ALG12: variants seen among roughly 807,000 people sequenced by gnomAD.
The protein encoded by ALG12 is ALG12 alpha-1,6-mannosyltransferase.
Under a neutral mutation model 46.0 loss-of-function variants are expected in ALG12, and 36 were observed. The ratio of observed to expected loss-of-function variants is 0.78; its 90% CI spans 0.60 to 1.03. The LOEUF is 1.03. ALG12 is among the 50% of genes least tolerant of loss of function. The pLI is 0.00. For missense variants in ALG12, 599 were observed against 633.5 expected (o/e 0.95, Z 0.58); for synonymous variants, 326 against 291.6 (o/e 1.12, Z -1.20).
the ALG12 span, chr22:49,883,351 C>T: frequency 1.3e-5 from 3 of 232,688 alleles, no homozygotes; most frequent in African/African-American, 2.2e-5. Flanking sequence ...ACAAGGGTCA[C>T]GTGTATGCTC....
Position 49,906,860 on chromosome 22 carries a change from C to G in ALG12, c.992+861G>C, listed in dbSNP as rs898161805. On this transcript the variant is annotated intron_variant, in intron 7 of 9. Transcript: ENST00000330817. This position sits in a 1 kb window ranked among gnomAD's most constrained non-coding sequence, Gnocchi z 4.4. Reference sequence around the variant, plus strand: ...CTGGGCCTGAGCCCCGGGTCCTTCCCCAGCACCCACAGGGCCCGGCAGTGA... The same window carrying G: ...CTGGGCCTGAGCCCCGGGTCCTTCCGCAGCACCCACAGGGCCCGGCAGTGA... 7.2e-5 allele frequency among the ~76,000 whole-genome samples: 11 copies of G among 152,060 alleles called. No individual in the cohort carries two copies. The highest frequency in any genetic ancestry group is 2.7e-4 in the African/African-American group (11 of 41,376).
rs1280515572 is a variant in ALG12 at position 49,905,479 on chromosome 22, A to G, written c.993-973T>C. On this transcript the variant is annotated intron_variant, in intron 7 of 9. Coordinates refer to ENST00000330817, the MANE Select transcript of ALG12 (RefSeq NM_024105.4). The surrounding 1 kb of genome is among the most constrained non-coding windows in gnomAD (Gnocchi z 4.9). Reference sequence around the variant, plus strand: ...ACTGGGTCATGGAGGTGGAGCCCTCAGGAATGGATTAGCGCCATCCCCTCC... The same window carrying G: ...ACTGGGTCATGGAGGTGGAGCCCTCGGGAATGGATTAGCGCCATCCCCTCC... Among the ~76,000 whole-genome samples the G allele has an allele frequency of 3.9e-5, 6 of 152,220 alleles. No homozygotes were observed. The highest frequency in any genetic ancestry group is 3.9e-4 in the Admixed American group (6 of 15,282).
chr22:49,866,915 T>A, the ALG12 span, among the ~76,000 whole-genome samples: 1 of 152,214 alleles, frequency 6.6e-6, no homozygotes, highest in Non-Finnish European at 1.5e-5. Flanking sequence ...TCTTACCTCT[T>A]GCGCCTTCAG....
chr22:49,916,902 A>AGGGGAGTTCCCCAGCAAG (rs2060613295), intron 1 of ALG12, among the ~76,000 whole-genome samples: 2 of 152,242 alleles, frequency 1.3e-5, no homozygotes, highest in African/African-American at 4.8e-5. Flanking sequence ...CTCTCCACCC[A>AGGGGAGTTCCCCAGCAAG]GGGGAGTTCC....
At chr22:49,864,950 C>CCCCCCCCCCG in the ALG12 span, among the ~76,000 whole-genome samples, 1 of 74,736 alleles carries the variant, frequency 1.3e-5, no homozygotes, top group African/African-American at 1.7e-4. Flanking sequence ...CCCCCCCCCC[C>CCCCCCCCCCG]CCGTGAAGTC....
the ALG12 span, among the ~76,000 whole-genome samples, chr22:49,891,574 C>T: frequency 6.6e-6 from 1 of 152,152 alleles, no homozygotes. Context: ...GGGCACTGTC[C>T]TCATACACTT....
At chr22:49,884,324 G>A in the ALG12 span, 11 of 1,613,710 alleles carry the variant, frequency 6.8e-6, no homozygotes, top group East Asian at 2.2e-5. Flanking sequence ...TCCCCCGATC[G>A]AATAACAGAG....
In ALG12 at chr22:49,903,978, G is replaced by C; in HGVS notation, c.1327C>G (p.Leu443Val). 1 of 1,614,218 alleles carries C rather than the reference G, an allele frequency of 6.2e-7. No homozygotes were observed. Among genetic ancestry groups the C allele is most frequent in the Non-Finnish European group, 8.5e-7 (1 of 1,180,022 alleles). The change falls in exon 10 of 10, where the codon CTC (leucine) becomes GTC (valine). Residue 443 changes from leucine to valine, a missense_variant. Leu to Val is a conservative substitution (Grantham distance 32, BLOSUM62 1). Coordinates refer to ENST00000330817, the MANE Select transcript of ALG12 (RefSeq NM_024105.4). ...LMEAAPGLLA[L>V]YRDTHRVLAS... ...AGGACCCGGTGTGTGTCCCTGTAGA[G>C]GGCCAGGAGCCCAGGGGCCGCCTCC...
chr22:49,880,550 C>T, the ALG12 span, among the ~76,000 whole-genome samples: 7 of 152,334 alleles, frequency 4.6e-5, no homozygotes, highest in South Asian at 1.4e-3. Context: ...CCTGTGCTTT[C>T]TCTTCTCTCT....
Position 49,908,521 on chromosome 22 carries a change from T to C in ALG12, c.769-577A>G, listed in dbSNP as rs370288844. 8.2e-4 allele frequency among the ~76,000 whole-genome samples: 85 copies of C among 103,610 alleles called. 6 individuals are homozygous for C. Among genetic ancestry groups the C allele is most frequent in the African/African-American group, 3.9e-3 (83 of 21,290 alleles). 68.0% of individuals were successfully genotyped at this position (103,610 alleles called of 152,430 possible). On this transcript the variant is annotated intron_variant, in intron 6 of 9. Transcript: ENST00000330817. ...CCAACCTGGCGACAGAGTGAGACTC[T>C]GTCTCAAAAAAAAAAAAAAAAAAAA...
chr22:49,894,002 G>GA, the ALG12 span, among the ~76,000 whole-genome samples: 10 of 152,050 alleles, frequency 6.6e-5, no homozygotes, highest in South Asian at 2.1e-4. Flanking sequence ...CGTCTTTACT[G>GA]AAAAAACAAA....
At chr22:49,859,368 C>G in the ALG12 span, among the ~76,000 whole-genome samples, 4 of 151,990 alleles carry the variant, frequency 2.6e-5, no homozygotes, top group Admixed American at 6.6e-5. Flanking sequence ...TCTAGTAAAG[C>G]CTTTTGTTTT....
chr22:49,917,042 C>T (rs1222949486), intron 1 of ALG12, among the ~76,000 whole-genome samples: 2 of 152,230 alleles, frequency 1.3e-5, no homozygotes, highest in South Asian at 2.1e-4. Flanking sequence ...AGCTCACTTT[C>T]GAGGGCATGA....
chr22:49,884,661 G>A, the ALG12 span: 15 of 1,611,368 alleles, frequency 9.3e-6, no homozygotes, highest in Non-Finnish European at 1.3e-5. Flanking sequence ...ACATGTGGAG[G>A]GCACACCGCG....
At chr22:49,888,968 G>A in the ALG12 span, 1 of 167,250 alleles carries the variant, frequency 6.0e-6, no homozygotes, top group African/African-American at 2.4e-5. Context: ...TTGCAGTCCT[G>A]TGTTTCTTAA....
At chr22:49,878,972 G>A in the ALG12 span, among the ~76,000 whole-genome samples, 6 of 151,566 alleles carry the variant, frequency 4.0e-5, no homozygotes, top group Admixed American at 6.6e-5. Context: ...GTGAAACCCC[G>A]TCTCTACTAA....
chr22:49,867,682 C>T, the ALG12 span, among the ~76,000 whole-genome samples: 1 of 152,216 alleles, frequency 6.6e-6, no homozygotes, highest in Non-Finnish European at 1.5e-5. Flanking sequence ...CGGTGTATCA[C>T]ACGCTTGATG....
Position 49,913,615 on chromosome 22 carries a change from CT to C in ALG12, c.150del (p.Asp51ThrfsTer23). On this transcript the variant is annotated frameshift_variant, in exon 2 of 10. Coordinates refer to ENST00000330817, the MANE Select transcript of ALG12 (RefSeq NM_024105.4). LOFTEE classifies it high-confidence loss of function. ...QATHDLLYHWQDLEQYDHLEF... is the reference protein window; with the variant it reads ...QATHDLLYHWXDLEQYDHLEF... ...CAGGGGCCCCTCACCTGCTCCAGGTCTTGCCAGTGGTAGAGCAGGTCATGTG... is the reference window on the plus strand; with the variant it reads ...CAGGGGCCCCTCACCTGCTCCAGGTCTGCCAGTGGTAGAGCAGGTCATGTG... 1 of 1,614,136 alleles carries C rather than the reference CT, an allele frequency of 6.2e-7. No homozygotes were observed. The highest frequency in any genetic ancestry group is 8.5e-7 in the Non-Finnish European group (1 of 1,180,042).
Position 49,902,971 on chromosome 22 carries a change from C to CTGTGTGCATGCGTGTGTGGTG in ALG12, c.*846_*866dup. On this transcript the variant is annotated 3_prime_UTR_variant, in exon 10 of 10. Transcript: ENST00000330817. ...TATGCATGGTGTGTGCACGTGTGCA[C>CTGTGTGCATGCGTGTGTGGTG]TGTGTGCATGCGTGTGTGGTGTGTG... The CTGTGTGCATGCGTGTGTGGTG allele has an allele frequency of 3.1e-6, 1 of 320,448 alleles. No individual in the cohort carries two copies. The highest frequency in any genetic ancestry group is 1.0e-4 in the East Asian group (1 of 9,856). The allele number at this position is 320,448 out of a possible 1,614,324, so 19.9% of individuals were successfully genotyped here.
Sources: allele counts gnomAD v4.1 joint callset (sites outside exome capture counted in the v4.1 genomes callset), GRCh38; gene constraint gnomAD v4.1.1; non-coding constraint Gnocchi (gnomAD v3.1); transcripts MANE v1.5; gene names NCBI Gene and HGNC (gene_info 2026-07-23, HGNC 2026-07-21).